Variants in AXL observed in about 807,000 individuals in gnomAD.
The protein encoded by AXL is tyrosine-protein kinase receptor UFO.
A neutral mutation model predicts 104.5 loss-of-function variants in AXL; 52 were observed. The ratio of observed to expected loss-of-function variants is 0.50; its 90% confidence interval spans 0.40 to 0.63. The LOEUF (loss-of-function observed/expected upper bound fraction) is 0.63. AXL is among the 20% of genes least tolerant of loss of function. The pLI, the probability that AXL is intolerant of heterozygous loss-of-function variation, is 0.00. For missense variants in AXL, 1,024 were observed against 1,188.5 expected, an observed-to-expected ratio of 0.86 and a Z score of 2.04; for synonymous variants, 455 against 473.7, an observed-to-expected ratio of 0.96 and a Z score of 0.51.
chr19:41,237,793 C>A, intron 6 of AXL, 151 bp from the exon 7 acceptor site: 1 of 727,714 alleles, frequency 1.4e-6, no homozygotes, highest in Non-Finnish European at 2.3e-6. Context: ...TTTGCAAATC[C>A]AGGTGCCCGT....
Position 41,222,330 on chromosome 19 carries a change from C to T in AXL, c.586+274C>T, listed in dbSNP as rs192132259. 8.9e-3 allele frequency among the ~76,000 whole-genome samples: 1,350 copies of T among 152,218 alleles called. 17 individuals are homozygous for T. Among genetic ancestry groups the T allele is most frequent in the African/African-American group, 0.027 (1,120 of 41,520 alleles). ...TGTCTCTCTCTCTGTCTCTCTGCTT[C>T]TCTCTCCCTCCATTCACCCCGGCCT... is the stretch of plus-strand genomic sequence containing the variant. On this transcript the variant is annotated intron_variant, in intron 4 of 19. Transcript: ENST00000301178.
chr19:41,220,823 T>C lies in AXL; in HGVS notation c.273T>C (p.Asp91=). The C allele has an allele frequency of 6.2e-7, 1 of 1,614,030 alleles. No homozygotes were observed. The highest frequency in any genetic ancestry group is 8.5e-7 in the Non-Finnish European group (1 of 1,179,966). The change falls in exon 2 of 20, where the codon GAT becomes GAC. Residue 91 remains aspartate, a synonymous_variant. Coordinates refer to ENST00000301178, the MANE Select transcript of AXL (RefSeq NM_021913.5). The part of the protein sequence containing the change: ...STQTQVPLGE[D]EQDDWIVVSQ... ...AGACCCAGGTGCCCCTGGGTGAGGATGAACAGGATGACTGGATAGTGGTCA... is the reference window on the plus strand; with the variant it reads ...AGACCCAGGTGCCCCTGGGTGAGGACGAACAGGATGACTGGATAGTGGTCA...
chr19:41,229,171 G>A (rs924626696), intron 4 of AXL, among the ~76,000 whole-genome samples: 10 of 150,886 alleles, frequency 6.6e-5, no homozygotes, highest in Admixed American at 2.6e-4. Flanking sequence ...GGCTGGTCTC[G>A]AACTTCGGAC....
Position 41,248,629 on chromosome 19 carries a change from ACAC to A in AXL, c.1633+21_1633+23del, listed in dbSNP as rs752461619. On this transcript the variant is annotated intron_variant, in intron 13 of 19. Coordinates refer to ENST00000301178, the MANE Select transcript of AXL (RefSeq NM_021913.5). ...GAGAGGGTGAGTCCCCCGGCAGCAT[ACAC>A]ACATCCTTCTGAACTTCTGAGATCC... 2 of 1,613,412 alleles carry A rather than the reference ACAC, an allele frequency of 1.2e-6. No individual in the cohort carries two copies. The highest frequency in any genetic ancestry group is 1.7e-6 in the Non-Finnish European group (2 of 1,179,464).
intron 10 of AXL, 54 bp downstream of exon 10, chr19:41,239,774 G>T: frequency 6.2e-7 from 1 of 1,601,042 alleles, no homozygotes; most frequent in African/African-American, 1.3e-5. Context: ...ACCTAGTGGG[G>T]GCACTGTCAC....
At chr19:41,222,097 G>A in intron 4 of AXL, 41 bp downstream of exon 4, 3 of 1,472,482 alleles carry the variant, frequency 2.0e-6, no homozygotes, top group South Asian at 1.4e-5. Flanking sequence ...TAGGGGGCCG[G>A]GCAGGGCTGA....
At chr19:41,246,470 T>C (rs1236525118) in intron 12 of AXL, among the ~76,000 whole-genome samples, 1 of 133,808 alleles carries the variant, frequency 7.5e-6, no homozygotes, top group East Asian at 2.2e-4. Flanking sequence ...TAAATAAACC[T>C]GATAGGTTTT....
At chr19:41,237,837 C>T (rs910381117) in intron 6 of AXL, 107 bp from the exon 7 acceptor site, 6 of 1,047,976 alleles carry the variant, frequency 5.7e-6, no homozygotes, top group Non-Finnish European at 7.3e-6. Context: ...CACACACGCA[C>T]CCTTGAAAAG....
At chr19:41,220,116 G>A (rs186869302) in intron 1 of AXL, among the ~76,000 whole-genome samples, 2 of 148,306 alleles carry the variant, frequency 1.3e-5, no homozygotes, top group Non-Finnish European at 3.0e-5. Flanking sequence ...TCCCCCCTCC[G>A]CCCCCACCTT....
chr19:41,239,790 A>G (rs892959915), intron 10 of AXL, 70 bp downstream of exon 10: 3 of 1,566,314 alleles, frequency 1.9e-6, no homozygotes, highest in Non-Finnish European at 2.6e-6. Context: ...GTCACCATGC[A>G]TACTCATTGC....
In AXL at chr19:41,261,601, C is replaced by T. The variant is rs1447545661; in HGVS notation, c.*1697C>T. On this transcript the variant is annotated 3_prime_UTR_variant, in exon 20 of 20. Coordinates refer to ENST00000301178, the MANE Select transcript of AXL (RefSeq NM_021913.5). ...CTGTGGGGGTGTGCCCCCTTCAAGC[C>T]TGTGCAATGCATTAGGGATGCCTCC... 1 of 152,584 alleles carries T rather than the reference C, an allele frequency of 6.6e-6. No homozygotes were observed. The highest frequency in any genetic ancestry group is 1.5e-5 in the Non-Finnish European group (1 of 68,066). 9.5% of individuals were successfully genotyped at this position (152,584 alleles called of 1,614,324 possible). A position where few individuals can be genotyped will look rare whatever the true frequency, so the allele number is the denominator to read the frequency against.
chr19:41,227,725 G>A (rs186287542), intron 4 of AXL, among the ~76,000 whole-genome samples: 27 of 152,172 alleles, frequency 1.8e-4, no homozygotes, highest in Admixed American at 1.7e-3. Context: ...CTAATCTCAA[G>A]TGATCCACCC....
chr19:41,258,144 G>A (rs189599433), intron 19 of AXL, among the ~76,000 whole-genome samples: 17 of 152,344 alleles, frequency 1.1e-4, no homozygotes, highest in Admixed American at 5.9e-4. Flanking sequence ...GGAGAAGGCC[G>A]TGACATTTAG....
chr19:41,222,844 T>A (rs1267227887), intron 4 of AXL, among the ~76,000 whole-genome samples: 1 of 143,864 alleles, frequency 7.0e-6, no homozygotes, highest in African/African-American at 2.6e-5. Flanking sequence ...AGGCGGAGCT[T>A]GCAGTGAGCC....
intron 6 of AXL, among the ~76,000 whole-genome samples, chr19:41,234,959 C>T (rs977162435): frequency 6.6e-6 from 1 of 152,176 alleles, no homozygotes; most frequent in Admixed American, 6.5e-5. Context: ...CAGTGGTGGC[C>T]CCCTCCACTC....
rs1459139057 is a variant in AXL at position 41,239,753 on chromosome 19, C to G, written c.1312+33C>G. On this transcript the variant is annotated intron_variant, in intron 10 of 19. Transcript: ENST00000301178. ...CTTCCACACCCCATCTCCTCCTTCCCTACCCTCAACACCTAGTGGGGGCAC... is the reference window on the plus strand; with the variant it reads ...CTTCCACACCCCATCTCCTCCTTCCGTACCCTCAACACCTAGTGGGGGCAC... The G allele has an allele frequency of 3.2e-5, 51 of 1,613,044 alleles. No individual in the cohort carries two copies. In the Admixed American group the frequency reaches 8.5e-4, roughly 27 times the overall value.
In AXL at chr19:41,221,044, CATG is replaced by C. The variant is rs1315925282; in HGVS notation, c.309-100_309-98del. On this transcript the variant is annotated intron_variant, in intron 2 of 19. Coordinates refer to ENST00000301178, the MANE Select transcript of AXL (RefSeq NM_021913.5). ...ATAATAGGACATACTTCGTGGTTGT[CATG>C]AGCTTCCAGACTGGACACCCTCTTT... 13 of 1,247,740 alleles carry C rather than the reference CATG, an allele frequency of 1.0e-5. No individual in the cohort carries two copies. In the African/African-American group the frequency reaches 1.4e-4, roughly 13 times the overall value. The allele number at this position is 1,247,740 out of a possible 1,614,324, so 77.3% of individuals were successfully genotyped here.
intron 10 of AXL, among the ~76,000 whole-genome samples, chr19:41,242,480 C>T (rs1325728543): frequency 6.6e-6 from 1 of 151,816 alleles, no homozygotes; most frequent in African/African-American, 2.4e-5. Context: ...GCACCACCAC[C>T]CCAGCTAATT....
chr19:41,255,008 A>G (rs73045226), intron 17 of AXL, among the ~76,000 whole-genome samples: 12,077 of 152,280 alleles, frequency 0.079, 642 homozygotes, highest in Non-Finnish European at 0.11. Flanking sequence ...TAACCACTAG[A>G]TGAAGGTAAA....
Sources: gnomAD v4.1 joint callset for allele counts (sites outside exome capture counted in the v4.1 genomes callset) on GRCh38, gnomAD v4.1.1 for gene constraint, MANE v1.5 for transcripts, NCBI Gene and HGNC (gene_info 2026-07-23, HGNC 2026-07-21) for gene names.